Variants in EYS observed in about 807,000 individuals in gnomAD.
EYS encodes the protein protein eyes shut homolog.
EYS carries 250 observed loss-of-function variants against 282.1 expected under a neutral mutation model. The observed-to-expected ratio is 0.89, with a 90% confidence interval of 0.80 to 0.98. EYS has a LOEUF of 0.98. EYS is among the 50% of genes least tolerant of loss of function. EYS has a pLI of 0.00. For missense variants in EYS, 4,016 were observed against 3,709.0 expected (o/e 1.08, Z -2.15); for synonymous variants, 1,355 against 1,282.9 (o/e 1.06, Z -1.20).
At chr6:63,923,612 A>G (rs1297583905) in intron 35 of EYS, among the ~76,000 whole-genome samples, 2 of 152,220 alleles carry the variant, frequency 1.3e-5, no homozygotes, top group East Asian at 1.9e-4. Flanking sequence ...CAGAGGGTAC[A>G]TGTGCAGATT....
intron 31 of EYS, among the ~76,000 whole-genome samples, chr6:64,136,996 C>G (rs1774183030): frequency 6.6e-6 from 1 of 152,114 alleles, no homozygotes; most frequent in African/African-American, 2.4e-5. Flanking sequence ...GAAGGCTGTT[C>G]AATGTACATT....
intron 31 of EYS, among the ~76,000 whole-genome samples, chr6:64,132,015 A>T (rs1044112863): frequency 6.6e-6 from 1 of 152,134 alleles, no homozygotes; most frequent in African/African-American, 2.4e-5. Flanking sequence ...TTCTCTATTT[A>T]TAGACTAAAA....
chr6:64,842,789 C>T (rs947807516), intron 19 of EYS, among the ~76,000 whole-genome samples: 9 of 151,936 alleles, frequency 5.9e-5, no homozygotes, highest in Admixed American at 2.0e-4. Flanking sequence ...AGCAGCAAAG[C>T]GTTCAAGCAG....
intron 13 of EYS, among the ~76,000 whole-genome samples, chr6:65,054,639 G>T (rs1773362494): frequency 6.6e-6 from 1 of 151,882 alleles, no homozygotes; most frequent in Non-Finnish European, 1.5e-5. Flanking sequence ...TCTAGGATAG[G>T]GTGTCTACAG....
chr6:64,538,662 A>G (rs936922942), intron 26 of EYS, among the ~76,000 whole-genome samples: 4 of 152,180 alleles, frequency 2.6e-5, no homozygotes, highest in African/African-American at 9.7e-5. Flanking sequence ...CTAATAAATT[A>G]TTTACTAAGT....
rs192611684 is a variant in EYS, at chr6:65,700,360, C to A, written c.-448+6775G>T. 7.0e-4 allele frequency among the ~76,000 whole-genome samples: 107 copies of A among 152,120 alleles called. No individual in the cohort carries two copies. The Middle Eastern group carries it at 0.01, about 15-fold the overall frequency. On this transcript the variant is annotated intron_variant, in intron 1 of 42. Transcript: ENST00000503581. ...AATGATAGATATTAGGAAACAGAGTCTGCAAGAGCTTTTGACAATTGGGAA... is the reference window on the plus strand; with the variant it reads ...AATGATAGATATTAGGAAACAGAGTATGCAAGAGCTTTTGACAATTGGGAA...
At chr6:64,437,073 G>A (rs537325823) in intron 27 of EYS, among the ~76,000 whole-genome samples, 5 of 151,250 alleles carry the variant, frequency 3.3e-5, no homozygotes, top group African/African-American at 1.2e-4. Flanking sequence ...CAAAGATAAA[G>A]ATAATGCTAT....
chr6:64,117,103 G>A (rs1358298838), intron 31 of EYS, among the ~76,000 whole-genome samples: 1 of 151,964 alleles, frequency 6.6e-6, no homozygotes, highest in East Asian at 1.9e-4. Context: ...GCATACAACA[G>A]TTGAACAAAG....
intron 22 of EYS, among the ~76,000 whole-genome samples, chr6:64,753,260 ATGTACCAAG>A (rs1158035848): frequency 6.6e-6 from 1 of 152,104 alleles, no homozygotes; most frequent in Non-Finnish European, 1.5e-5. Context: ...AACCTTGAAC[ATGTACCAAG>A]TGTTCACTTA....
intron 30 of EYS, among the ~76,000 whole-genome samples, chr6:64,260,510 T>C (rs111298621): frequency 0.03 from 4,525 of 152,178 alleles, 77 homozygotes; most frequent in African/African-American, 0.052. Flanking sequence ...TGCTTAGTTT[T>C]AAATTTTGTA....
intron 2 of EYS, among the ~76,000 whole-genome samples, chr6:65,635,978 G>A (rs1767073515): frequency 6.6e-6 from 1 of 152,154 alleles, no homozygotes; most frequent in Non-Finnish European, 1.5e-5. Flanking sequence ...CCTGAGATGA[G>A]ATTGATTTGA....
At chr6:63,909,743 G>A (rs1017772101) in intron 35 of EYS, among the ~76,000 whole-genome samples, 2 of 152,164 alleles carry the variant, frequency 1.3e-5, no homozygotes, top group African/African-American at 4.8e-5. Context: ...TAACTGGGGA[G>A]GTGTAAGAAA....
intron 13 of EYS, among the ~76,000 whole-genome samples, chr6:65,013,029 G>GTT (rs767024813): frequency 5.9e-5 from 9 of 151,964 alleles, no homozygotes; most frequent in Non-Finnish European, 1.0e-4. Context: ...CATAATCAAA[G>GTT]TTTTTGTGAA....
intron 12 of EYS, among the ~76,000 whole-genome samples, chr6:65,266,110 T>C (rs940439697): frequency 6.6e-5 from 10 of 151,942 alleles, no homozygotes; most frequent in African/African-American, 1.4e-4. Flanking sequence ...GTTGATAATA[T>C]AGAGAGAATT....
intron 24 of EYS, among the ~76,000 whole-genome samples, chr6:64,615,890 T>C (rs555913323): frequency 1.3e-5 from 2 of 152,178 alleles, no homozygotes; most frequent in African/African-American, 4.8e-5. Flanking sequence ...TTAGTAGACA[T>C]GTGGTCTTAT....
chr6:64,571,079 T>C (rs1315230634), intron 26 of EYS, among the ~76,000 whole-genome samples: 1 of 152,062 alleles, frequency 6.6e-6, no homozygotes, highest in Admixed American at 6.6e-5. Context: ...CAACAAACAG[T>C]CTCTCAGACC....
At chr6:64,022,658 C>T (rs117296558) in intron 33 of EYS, among the ~76,000 whole-genome samples, 3 of 152,136 alleles carry the variant, frequency 2.0e-5, no homozygotes, top group African/African-American at 7.2e-5. Flanking sequence ...TCTCTGCAAG[C>T]GTGGCTGCTG....
intron 31 of EYS, among the ~76,000 whole-genome samples, chr6:64,181,181 A>G (rs536906278): frequency 6.6e-6 from 1 of 152,336 alleles, no homozygotes; most frequent in African/African-American, 2.4e-5. Flanking sequence ...AACATGGTAA[A>G]TTGACCATAA....
At chr6:64,155,212 C>T (rs1774876901) in intron 31 of EYS, among the ~76,000 whole-genome samples, 1 of 152,086 alleles carries the variant, frequency 6.6e-6, no homozygotes, top group Non-Finnish European at 1.5e-5. Context: ...TAATGTTGTA[C>T]TGTATCTAAT....
Sources: allele counts gnomAD v4.1 joint callset (sites outside exome capture counted in the v4.1 genomes callset), GRCh38; gene constraint gnomAD v4.1.1; transcripts MANE v1.5; gene names NCBI Gene and HGNC (gene_info 2026-07-23, HGNC 2026-07-21).